The following ARHGEF12 variants were observed in gnomAD, a reference collection of about 807,000 sequenced individuals.
ARHGEF12 encodes the protein Rho guanine nucleotide exchange factor 12, also known as KMT2A/ARHGEF12 fusion protein.
A neutral mutation model predicts 211.2 loss-of-function variants in ARHGEF12; 66 were observed. The observed-to-expected ratio is 0.31, with a 90% CI of 0.26 to 0.38. The LOEUF is 0.38. Ranked by LOEUF, ARHGEF12 falls within the 10% of genes least tolerant of loss-of-function variation. The probability of loss-of-function intolerance (pLI) is 1.00; values close to 1 mark genes in which losing one functional copy is unlikely to be tolerated. For missense variants in ARHGEF12, 1,429 were observed against 1,869.5 expected, an observed-to-expected ratio of 0.76 and a Z score of 4.34; for synonymous variants, 592 against 638.4, an observed-to-expected ratio of 0.93 and a Z score of 1.09.
intron 1 of ARHGEF12, among the ~76,000 whole-genome samples, chr11:120,355,344 T>C (rs1287149561): frequency 6.6e-6 from 1 of 151,730 alleles, no homozygotes; most frequent in Non-Finnish European, 1.5e-5. Context: ...CTTTTACAAC[T>C]GTTTCCTTAT....
At chr11:120,477,870 A>G (rs1947098967) in intron 36 of ARHGEF12, among the ~76,000 whole-genome samples, 1 of 150,472 alleles carries the variant, frequency 6.6e-6, no homozygotes, top group Non-Finnish European at 1.5e-5. Context: ...ACCAAAAAAA[A>G]AAAAGAAAAA....
intron 7 of ARHGEF12, among the ~76,000 whole-genome samples, chr11:120,427,546 A>G (rs940166851): frequency 2.0e-5 from 3 of 151,722 alleles, no homozygotes; most frequent in African/African-American, 7.3e-5. Context: ...TTAAAAAAAA[A>G]AAACATTGCA....
chr11:120,437,031 T>G (rs1316001740), intron 11 of ARHGEF12, among the ~76,000 whole-genome samples: 1 of 152,124 alleles, frequency 6.6e-6, no homozygotes, highest in Non-Finnish European at 1.5e-5. Flanking sequence ...GCAGTATATC[T>G]AATTATTTGG....
chr11:120,457,306 T>C (rs1946392040), intron 23 of ARHGEF12, 56 bp downstream of exon 23: 2 of 1,590,390 alleles, frequency 1.3e-6, no homozygotes, highest in Admixed American at 1.7e-5. Flanking sequence ...TTTTAAATTA[T>C]ATGCTATTCC....
rs925193750 is a variant in ARHGEF12, at chr11:120,469,277, C to T, written c.2855-11C>T. The T allele has an allele frequency of 4.4e-6, 7 of 1,596,742 alleles. No individual in the cohort carries two copies. In the African/African-American group the frequency reaches 8.1e-5, roughly 19 times the overall value. The stretch of plus-strand genomic sequence containing the variant: ...GTTCTTTTACATTTTGGATTTCTTT[C>T]CCATATTTAGAATGGCCAACAGAAA... On this transcript the variant is annotated splice_polypyrimidine_tract_variant and intron_variant, in intron 29 of 40. Transcript: ENST00000397843.
intron 27 of ARHGEF12, chr11:120,464,457 C>T (rs1268681734): frequency 6.6e-6 from 1 of 151,618 alleles, no homozygotes; most frequent in Non-Finnish European, 1.5e-5. Context: ...TGGCACACGC[C>T]TGTAGTCCCA....
chr11:120,362,641 G>A (rs1409738762), intron 1 of ARHGEF12, among the ~76,000 whole-genome samples: 1 of 152,174 alleles, frequency 6.6e-6, no homozygotes, highest in Admixed American at 6.5e-5. Context: ...TGTCAAATTA[G>A]ACGTGTATAC....
intron 9 of ARHGEF12, 96 bp from the exon 10 acceptor site, chr11:120,429,616 C>T: frequency 6.5e-7 from 1 of 1,547,274 alleles, no homozygotes; most frequent in Non-Finnish European, 8.9e-7. Context: ...GCATTGTAAC[C>T]AATGCCATTA....
intron 1 of ARHGEF12, among the ~76,000 whole-genome samples, chr11:120,398,550 A>G (rs546736811): frequency 1.8e-4 from 27 of 152,294 alleles, no homozygotes; most frequent in Non-Finnish European, 3.1e-4. Flanking sequence ...TGGGGTATTC[A>G]GATTTGGCAG....
chr11:120,382,379 T>C (rs1943900902), intron 1 of ARHGEF12, among the ~76,000 whole-genome samples: 1 of 152,248 alleles, frequency 6.6e-6, no homozygotes, highest in African/African-American at 2.4e-5. Context: ...GCATTATTGA[T>C]TAATATTCTA....
At position 120,353,360 on chromosome 11, in the gene ARHGEF12, T is replaced by G. The variant is rs574492778; in HGVS notation, c.32+16085T>G. Among the ~76,000 whole-genome samples, 10 of 152,340 alleles carry G rather than the reference T, an allele frequency of 6.6e-5. No individual in the cohort carries two copies. The South Asian group carries it at 1.9e-3, about 28-fold the overall frequency. ...CCATCTTGGAATGGTGCAGTCAGCC[T>G]GAACCGTGGGATCAAGTTCAGGGAC... On this transcript the variant is annotated intron_variant, in intron 1 of 40. Coordinates refer to ENST00000397843, the MANE Select transcript of ARHGEF12 (RefSeq NM_015313.3).
intron 1 of ARHGEF12, among the ~76,000 whole-genome samples, chr11:120,372,801 T>A (rs1319159458): frequency 2.6e-5 from 4 of 152,144 alleles, no homozygotes; most frequent in African/African-American, 9.7e-5. Context: ...AGCTTTTGTC[T>A]CTTTATCCCC....
At position 120,477,487 on chromosome 11, in the gene ARHGEF12, G is replaced by C. The variant is rs746394469; in HGVS notation, c.3493G>C (p.Glu1165Gln). ...AGAAGATCCTTCAAAATTAAAAGAG[G>C]AGCAGCATGGCATTTCAGTCACTGG... Reference protein sequence around the residue: ...DEEDPSKLKEEQHGISVTGLQ... With the variant: ...DEEDPSKLKEQQHGISVTGLQ... The change falls in exon 36 of 41, where the codon GAG (glutamate) becomes CAG (glutamine). Residue 1165 changes from glutamate to glutamine, a missense_variant. Around this residue, in one of 7 missense-constraint regions of ARHGEF12, gnomAD observed 467 missense variants for 468.4 expected, o/e 1.00. Transcript: ENST00000397843. 6.2e-7 allele frequency: 1 copy of C among 1,612,098 alleles called. No homozygotes were observed. The highest frequency in any genetic ancestry group is 1.3e-5 in the African/African-American group (1 of 74,774).
At chr11:120,356,327 TC>T (rs1257629187) in intron 1 of ARHGEF12, among the ~76,000 whole-genome samples, 1 of 152,212 alleles carries the variant, frequency 6.6e-6, no homozygotes, top group African/African-American at 2.4e-5. Flanking sequence ...TTCAAGCGAT[TC>T]TTGTGGCTGA....
chr11:120,451,272 G>A (rs987571582), intron 21 of ARHGEF12: 8 of 364,228 alleles, frequency 2.2e-5, no homozygotes, highest in Admixed American at 1.3e-4. Flanking sequence ...TCCGCCTCCC[G>A]GGTTGGAGCG....
At chr11:120,346,244 T>A (rs1591480966) in intron 1 of ARHGEF12, among the ~76,000 whole-genome samples, 2 of 152,352 alleles carry the variant, frequency 1.3e-5, no homozygotes, top group South Asian at 2.1e-4. Context: ...ACTATCAAAT[T>A]TCAGTGGCTT....
At chr11:120,450,585 G>C (rs1408286896) in intron 21 of ARHGEF12, 1 of 152,112 alleles carries the variant, frequency 6.6e-6, no homozygotes, top group Non-Finnish European at 1.5e-5. Flanking sequence ...TACAAAAGAA[G>C]AATTTGAGGA....
chr11:120,484,761 G>C (rs1291971264), intron 40 of ARHGEF12, among the ~76,000 whole-genome samples: 1 of 152,178 alleles, frequency 6.6e-6, no homozygotes, highest in Non-Finnish European at 1.5e-5. Context: ...AAAGCAGAAG[G>C]CAGAGCAGTG....
intron 1 of ARHGEF12, among the ~76,000 whole-genome samples, chr11:120,338,815 C>G (rs1028817329): frequency 6.6e-6 from 1 of 152,160 alleles, no homozygotes; most frequent in Non-Finnish European, 1.5e-5. Context: ...AGAACGGACT[C>G]ATTCCACACA....
Sources: allele counts gnomAD v4.1 joint callset (sites outside exome capture counted in the v4.1 genomes callset), GRCh38; gene constraint gnomAD v4.1.1; regional missense constraint gnomAD v4.1.1; transcripts MANE v1.5; gene names NCBI Gene and HGNC (gene_info 2026-07-23, HGNC 2026-07-21).